THSD4: variants seen among roughly 807,000 people sequenced by gnomAD.
THSD4 encodes thrombospondin type 1 domain containing 4.
A neutral mutation model predicts 119.0 loss-of-function variants in THSD4; 69 were observed. The ratio of observed to expected loss-of-function variants is 0.58; its 90% CI spans 0.48 to 0.71. The LOEUF (loss-of-function observed/expected upper bound fraction) is 0.71. Ranked by LOEUF, THSD4 falls within the 30% of genes least tolerant of loss-of-function variation. The pLI, the probability that THSD4 is intolerant of heterozygous loss-of-function variation, is 0.00. For missense variants in THSD4, 1,393 were observed against 1,391.1 expected (o/e 1.00, Z -0.02); for synonymous variants, 524 against 540.4 (o/e 0.97, Z 0.42).
intron 7 of THSD4, among the ~76,000 whole-genome samples, chr15:71,566,298 T>C (rs1358539963): frequency 1.3e-5 from 2 of 152,134 alleles, no homozygotes. Context: ...ACTTTTGAAA[T>C]AGCTATAAGT....
chr15:71,171,756 T>C (rs937211179), intron 3 of THSD4, among the ~76,000 whole-genome samples: 1 of 152,084 alleles, frequency 6.6e-6, no homozygotes, highest in African/African-American at 2.4e-5. Context: ...AAAGGATAAA[T>C]TAAGGAGGTG....
intron 6 of THSD4, among the ~76,000 whole-genome samples, chr15:71,408,939 G>T (rs1330559171): frequency 1.3e-5 from 2 of 152,158 alleles, no homozygotes; most frequent in Non-Finnish European, 2.9e-5. Context: ...AAGAACTAGG[G>T]TGTTCTCTAA....
At chr15:71,435,936 T>G (rs1482604723) in intron 7 of THSD4, among the ~76,000 whole-genome samples, 1 of 152,078 alleles carries the variant, frequency 6.6e-6, no homozygotes, top group Non-Finnish European at 1.5e-5. Context: ...AAAAAGAGAG[T>G]GCTGCTTAAA....
chr15:71,253,356 G>A (rs2044280318), intron 5 of THSD4, among the ~76,000 whole-genome samples: 1 of 152,112 alleles, frequency 6.6e-6, no homozygotes, highest in Non-Finnish European at 1.5e-5. Flanking sequence ...GCAAAGATGT[G>A]CAAAGTTGGC....
At chr15:71,118,538 C>T (rs755050829) in intron 1 of THSD4, among the ~76,000 whole-genome samples, 9 of 152,290 alleles carry the variant, frequency 5.9e-5, no homozygotes, top group Non-Finnish European at 1.2e-4. Flanking sequence ...TGGGCCTCTC[C>T]AGGTCATGGA....
At chr15:71,688,848 GT>G (rs1170305347) in intron 8 of THSD4, among the ~76,000 whole-genome samples, 1 of 151,788 alleles carries the variant, frequency 6.6e-6, no homozygotes, top group African/African-American at 2.4e-5. Flanking sequence ...CCCTGCCAGT[GT>G]TTTTTTCTTT....
intron 3 of THSD4, among the ~76,000 whole-genome samples, chr15:71,173,226 A>G (rs1245664223): frequency 1.3e-5 from 2 of 152,172 alleles, no homozygotes; most frequent in Admixed American, 1.3e-4. Context: ...CTATACACTG[A>G]AAAGATCAAT....
chr15:71,205,847 C>G (rs1286752659), intron 3 of THSD4, among the ~76,000 whole-genome samples: 1 of 148,764 alleles, frequency 6.7e-6, no homozygotes, highest in Non-Finnish European at 1.5e-5. Context: ...GAATTTAGAT[C>G]TGGCTGGAGT....
intron 8 of THSD4, among the ~76,000 whole-genome samples, chr15:71,687,941 G>A (rs376671164): frequency 2.0e-5 from 3 of 152,098 alleles, no homozygotes; most frequent in East Asian, 1.9e-4. Flanking sequence ...TCTGTTATGA[G>A]CTAAGTCTGT....
At chr15:71,631,161 G>C (rs2050621246) in intron 7 of THSD4, among the ~76,000 whole-genome samples, 2 of 152,192 alleles carry the variant, frequency 1.3e-5, no homozygotes, top group African/African-American at 4.8e-5. Flanking sequence ...GCACACAGTA[G>C]GATCACCTGG....
intron 7 of THSD4, among the ~76,000 whole-genome samples, chr15:71,523,367 G>T (rs746909679): frequency 7.2e-5 from 11 of 152,104 alleles, no homozygotes; most frequent in Non-Finnish European, 1.3e-4. Context: ...TTTTCTCTCT[G>T]TGTTTCTCTT....
At chr15:71,583,844 G>A (rs1595903760) in intron 7 of THSD4, among the ~76,000 whole-genome samples, 1 of 152,156 alleles carries the variant, frequency 6.6e-6, no homozygotes, top group Admixed American at 6.5e-5. Context: ...TCCTGGAAAA[G>A]ATTCTATGTG....
At chr15:71,449,753 A>G (rs16955625) in intron 7 of THSD4, among the ~76,000 whole-genome samples, 38,697 of 151,926 alleles carry the variant, frequency 0.25, 5,367 homozygotes, top group Middle Eastern at 0.35. Flanking sequence ...AAGTGAAAAT[A>G]GCGTTTGAGA....
At chr15:71,386,468 A>T (rs923694683) in intron 6 of THSD4, among the ~76,000 whole-genome samples, 1 of 152,216 alleles carries the variant, frequency 6.6e-6, no homozygotes, top group Non-Finnish European at 1.5e-5. Flanking sequence ...TACCATGACA[A>T]TAGAGACCAC....
At chr15:71,290,907 A>G (rs1276113123) in intron 6 of THSD4, among the ~76,000 whole-genome samples, 1 of 42,904 alleles carries the variant, frequency 2.3e-5, no homozygotes, top group Non-Finnish European at 5.2e-5. Context: ...ACTTTTATTT[A>G]TAGACACATG....
chr15:71,524,956 C>T (rs2048499123), intron 7 of THSD4, among the ~76,000 whole-genome samples: 1 of 150,938 alleles, frequency 6.6e-6, no homozygotes, highest in East Asian at 2.0e-4. Context: ...TGCTCCCTCC[C>T]TCCCTTGTCC....
chr15:71,433,665 C>T (rs1332614112), intron 7 of THSD4, among the ~76,000 whole-genome samples: 2 of 152,082 alleles, frequency 1.3e-5, no homozygotes, highest in African/African-American at 4.8e-5. Context: ...GATTCACATA[C>T]TAGGTACAGA....
intron 17 of THSD4, among the ~76,000 whole-genome samples, chr15:71,776,947 C>T (rs2053924451): frequency 6.6e-6 from 1 of 152,000 alleles, no homozygotes; most frequent in Admixed American, 6.6e-5. Context: ...ATAAGAAACG[C>T]CAAATTTGGA....
chr15:71,132,277 G>A (rs1162848813), intron 1 of THSD4, among the ~76,000 whole-genome samples: 2 of 152,096 alleles, frequency 1.3e-5, no homozygotes, highest in Non-Finnish European at 2.9e-5. Context: ...TTATACAACG[G>A]TGTTCATCAT....
Sources: gnomAD v4.1 joint callset for allele counts (sites outside exome capture counted in the v4.1 genomes callset) on GRCh38, gnomAD v4.1.1 for gene constraint, MANE v1.5 for transcripts, NCBI Gene and HGNC (gene_info 2026-07-23, HGNC 2026-07-21) for gene names.